The following NME9 variants were observed in gnomAD, a reference collection of about 807,000 sequenced individuals.
NME9 encodes thioredoxin domain-containing protein 6.
NME9 carries 48 observed loss-of-function variants against 44.4 expected under a neutral mutation model. The observed-to-expected ratio is 1.08, with a 90% CI of 0.86 to 1.37. The LOEUF (loss-of-function observed/expected upper bound fraction) is 1.37, where lower values mean the gene tolerates loss of function less well. Ranked by LOEUF, NME9 falls within the 40% of genes most tolerant of loss-of-function variation. NME9 has a pLI of 0.00. For synonymous variants in NME9, 139 were observed against 147.1 expected (o/e 0.94, Z 0.40); for missense variants, 325 against 405.2 (o/e 0.80, Z 1.70).
intron 6 of NME9, among the ~76,000 whole-genome samples, chr3:138,308,174 T>A (rs1186927642): frequency 1.3e-5 from 2 of 152,150 alleles, no homozygotes; most frequent in Non-Finnish European, 2.9e-5. Flanking sequence ...TCCTGCAGAA[T>A]CACAATCACT....
intron 6 of NME9, among the ~76,000 whole-genome samples, chr3:138,312,389 C>T (rs1369973929): frequency 6.6e-6 from 1 of 152,126 alleles, no homozygotes; most frequent in Non-Finnish European, 1.5e-5. Flanking sequence ...CTATAGTGAC[C>T]AAAACAGCAA....
At chr3:138,322,197 G>T (rs1577202054) in intron 2 of NME9, among the ~76,000 whole-genome samples, 1 of 152,160 alleles carries the variant, frequency 6.6e-6, no homozygotes, top group East Asian at 1.9e-4. Context: ...AAAAGGGCAG[G>T]TTTAAATCCC....
At chr3:138,328,274 T>C (rs948736763) in intron 1 of NME9, among the ~76,000 whole-genome samples, 4 of 152,180 alleles carry the variant, frequency 2.6e-5, no homozygotes, top group Admixed American at 6.5e-5. Context: ...AAAGACACAG[T>C]TGGCTATAGA....
intron 4 of NME9, among the ~76,000 whole-genome samples, chr3:138,317,942 T>C (rs957881730): frequency 3.6e-4 from 55 of 152,032 alleles, no homozygotes; most frequent in African/African-American, 1.3e-3. Context: ...CCAGTTAGAC[T>C]TGGGGGTGGG....
intron 6 of NME9, among the ~76,000 whole-genome samples, chr3:138,311,926 A>C (rs957146753): frequency 2.0e-5 from 3 of 152,232 alleles, no homozygotes. Flanking sequence ...GCAGGATACA[A>C]AATCAACATA....
intron 8 of NME9, among the ~76,000 whole-genome samples, chr3:138,288,483 A>G (rs2050632886): frequency 6.6e-6 from 1 of 152,092 alleles, no homozygotes; most frequent in African/African-American, 2.4e-5. Context: ...TGGTTTTTTA[A>G]ATTTGAATTT....
At chr3:138,262,707 A>G (rs937181537) in intron 8 of NME9, 7 of 1,024,962 alleles carry the variant, frequency 6.8e-6, no homozygotes, top group African/African-American at 1.6e-5. Context: ...TCCCCAGGTA[A>G]TTCTTCTGCA....
intron 8 of NME9, among the ~76,000 whole-genome samples, chr3:138,269,678 C>T (rs1229349107): frequency 6.6e-6 from 1 of 152,080 alleles, no homozygotes; most frequent in Non-Finnish European, 1.5e-5. Flanking sequence ...GACAGAGTCT[C>T]AGCGAAAGAT....
intron 4 of NME9, among the ~76,000 whole-genome samples, chr3:138,316,880 G>T (rs1203433912): frequency 6.6e-6 from 1 of 152,170 alleles, no homozygotes; most frequent in Non-Finnish European, 1.5e-5. Context: ...CTCCCAAAGT[G>T]CTGGGATTAC....
At chr3:138,277,716 A>G (rs894599577) in intron 8 of NME9, among the ~76,000 whole-genome samples, 2 of 152,222 alleles carry the variant, frequency 1.3e-5, no homozygotes, top group African/African-American at 2.4e-5. Context: ...TCATTTTGGA[A>G]ATGGTTTGAC....
At chr3:138,271,939 G>GC (rs2048843035) in intron 8 of NME9, among the ~76,000 whole-genome samples, 2 of 151,934 alleles carry the variant, frequency 1.3e-5, no homozygotes, top group Non-Finnish European at 2.9e-5. Flanking sequence ...GGGATTACAG[G>GC]CGTGTGCCAC....
At chr3:138,262,819 C>T (rs545598755) in intron 8 of NME9, among the ~76,000 whole-genome samples, 1 of 152,260 alleles carries the variant, frequency 6.6e-6, no homozygotes, top group South Asian at 2.1e-4. Context: ...CTGGTGAGTA[C>T]AAGAGGACTA....
At chr3:138,299,280 C>T (rs965993701), downstream of NME9, among the ~76,000 whole-genome samples, 1 of 152,110 alleles carries the variant, frequency 6.6e-6, no homozygotes, top group Non-Finnish European at 1.5e-5. Flanking sequence ...TCTCTGCAGC[C>T]CCTGGCTCCT....
At chr3:138,267,328 T>A in intron 8 of NME9, 1 of 786,198 alleles carries the variant, frequency 1.3e-6, no homozygotes, top group Non-Finnish European at 1.9e-6. Context: ...CATTGAAATC[T>A]GTGGGTTGGG....
At chr3:138,267,486 G>C (rs971586920) in intron 8 of NME9, among the ~76,000 whole-genome samples, 1 of 152,144 alleles carries the variant, frequency 6.6e-6, no homozygotes, top group Non-Finnish European at 1.5e-5. Flanking sequence ...ACATCTTCAA[G>C]TCTATCTAAA....
chr3:138,270,229 T>G, intron 8 of NME9: 1 of 1,012,352 alleles, frequency 9.9e-7, no homozygotes, highest in Non-Finnish European at 1.4e-6. Context: ...TCTGGAATTT[T>G]CTTTTTCAAA....
intron 8 of NME9, chr3:138,295,883 C>T: frequency 6.2e-7 from 1 of 1,613,662 alleles, no homozygotes; most frequent in Admixed American, 1.7e-5. Flanking sequence ...TGCAGCAGTA[C>T]CTGGCATGAT....
intron 2 of NME9, among the ~76,000 whole-genome samples, chr3:138,321,569 A>C (rs1410166573): frequency 6.6e-6 from 1 of 152,214 alleles, no homozygotes; most frequent in African/African-American, 2.4e-5. Flanking sequence ...ATCAAATTTT[A>C]AATCCTGTGT....
rs936569429 is a variant in NME9 at position 138,268,101 on chromosome 3, G to A, written c.746-5515C>T. Among the ~76,000 whole-genome samples, 18 of 152,132 alleles carry A rather than the reference G, an allele frequency of 1.2e-4. No homozygotes were observed. In the South Asian group the frequency reaches 3.7e-3, roughly 32 times the overall value. On this transcript the variant is annotated intron_variant, in intron 8 of 8. Transcript: ENST00000317876. The stretch of plus-strand genomic sequence containing the variant: ...CTGCTAAAAGTACAAAAATTAGCCG[G>A]GGGTGGTGGTGCATGCTTGTAATCC...
Sources: allele counts gnomAD v4.1 joint callset (sites outside exome capture counted in the v4.1 genomes callset), GRCh38; gene constraint gnomAD v4.1.1; transcripts MANE v1.5; gene names NCBI Gene and HGNC (gene_info 2026-07-23, HGNC 2026-07-21).